Variants in LDB2 observed in about 807,000 individuals in gnomAD.
LDB2 encodes LIM domain binding 2.
In LDB2, 12 loss-of-function variants were observed where a neutral mutation model predicts 44.3. The observed-to-expected ratio is 0.27, with a 90% CI of 0.17 to 0.44. LDB2 has a LOEUF of 0.44. LDB2 is among the 20% of genes least tolerant of loss of function. LDB2 has a pLI of 1.00. For synonymous variants in LDB2, 164 were observed against 174.8 expected (o/e 0.94, Z 0.49); for missense variants, 344 against 473.5 (o/e 0.73, Z 2.54).
Position 16,646,900 on chromosome 4 carries a change from C to G in LDB2, c.236-51025G>C, listed in dbSNP as rs182090572. 3.3e-3 allele frequency among the ~76,000 whole-genome samples: 507 copies of G among 152,264 alleles called. 2 individuals are homozygous for G. The highest frequency in any genetic ancestry group is 7.1e-3 in the Admixed American group (109 of 15,280). ...CCACTTTGGAAAACAGTCTGATGGT[C>G]CCTCAAAATGTTGAACACACACTTA... is the stretch of plus-strand genomic sequence containing the variant. On this transcript the variant is annotated intron_variant, in intron 2 of 7. Coordinates refer to ENST00000304523, the MANE Select transcript of LDB2 (RefSeq NM_001290.5).
intron 2 of LDB2, among the ~76,000 whole-genome samples, chr4:16,709,045 G>A (rs929531130): frequency 1.8e-4 from 28 of 151,986 alleles, no homozygotes; most frequent in African/African-American, 6.8e-4. Context: ...TGAACCATCT[G>A]CTCAGCATCA....
chr4:16,631,610 C>A (rs1578335853), intron 2 of LDB2, among the ~76,000 whole-genome samples: 1 of 152,018 alleles, frequency 6.6e-6, no homozygotes, highest in East Asian at 1.9e-4. Flanking sequence ...GAGATAAAGA[C>A]TTAAAAAACC....
intron 1 of LDB2, among the ~76,000 whole-genome samples, chr4:16,875,316 C>T (rs978874147): frequency 2.6e-5 from 4 of 152,150 alleles, no homozygotes; most frequent in African/African-American, 7.2e-5. Flanking sequence ...TTAAGCTATA[C>T]AAAATTAATT....
chr4:16,687,494 C>T (rs1749549424), intron 2 of LDB2, among the ~76,000 whole-genome samples: 3 of 152,050 alleles, frequency 2.0e-5, no homozygotes, highest in Non-Finnish European at 4.4e-5. Context: ...AAATATCTGT[C>T]GTTTAAGCCA....
chr4:16,879,397 G>T (rs1719393796), intron 1 of LDB2, among the ~76,000 whole-genome samples: 2 of 152,174 alleles, frequency 1.3e-5, no homozygotes, highest in Non-Finnish European at 2.9e-5. Context: ...TTTACTCTGA[G>T]ATTAGGGTAG....
intron 7 of LDB2, chr4:16,505,786 A>G (rs1463766170): frequency 1.4e-6 from 2 of 1,479,914 alleles, no homozygotes; most frequent in Admixed American, 4.6e-5. Context: ...AGGTGCCACC[A>G]GCTCTCACCC....
At chr4:16,531,282 C>A (rs1399613449) in intron 5 of LDB2, among the ~76,000 whole-genome samples, 1 of 152,230 alleles carries the variant, frequency 6.6e-6, no homozygotes, top group African/African-American at 2.4e-5. Flanking sequence ...TTTTCTCAGG[C>A]CACTTTGGGC....
chr4:16,770,550 G>T (rs916846292), intron 1 of LDB2, among the ~76,000 whole-genome samples: 2 of 151,734 alleles, frequency 1.3e-5, no homozygotes, highest in African/African-American at 4.9e-5. Flanking sequence ...CAATGTCAGT[G>T]GGGAAACTGA....
intron 1 of LDB2, among the ~76,000 whole-genome samples, chr4:16,788,073 C>A (rs569887526): frequency 6.6e-6 from 1 of 152,196 alleles, no homozygotes; most frequent in Admixed American, 6.5e-5. Flanking sequence ...TCCTCCCCCC[C>A]CTCTCTGCCA....
intron 2 of LDB2, chr4:16,752,561 G>T: frequency 2.8e-6 from 1 of 350,980 alleles, no homozygotes; most frequent in African/African-American, 2.2e-5. Context: ...ATTTGAAGTG[G>T]CTGTTGTCTC....
At chr4:16,821,746 C>CA (rs562184189) in intron 1 of LDB2, among the ~76,000 whole-genome samples, 2,366 of 61,694 alleles carry the variant, frequency 0.038, 247 homozygotes, top group African/African-American at 0.14. Flanking sequence ...AACATTAAAG[C>CA]AAAAAAAAAA....
At chr4:16,590,431 C>A (rs1301352195) in intron 3 of LDB2, among the ~76,000 whole-genome samples, 1 of 152,156 alleles carries the variant, frequency 6.6e-6, no homozygotes, top group Non-Finnish European at 1.5e-5. Context: ...TTATATCAGC[C>A]TTTTACGAAA....
intron 1 of LDB2, among the ~76,000 whole-genome samples, chr4:16,763,439 T>TACACACACACAC (rs56114847): frequency 0.081 from 11,414 of 141,054 alleles, 535 homozygotes; most frequent in East Asian, 0.16. Flanking sequence ...TGTAAACACG[T>TACACACACACAC]ACACACACAC....
intron 1 of LDB2, among the ~76,000 whole-genome samples, chr4:16,854,504 T>TACATAC (rs140881546): frequency 2.1e-5 from 3 of 145,214 alleles, no homozygotes; most frequent in Non-Finnish European, 3.0e-5. Context: ...TAAATATAAA[T>TACATAC]ACACACACAC....
chr4:16,811,091 C>G (rs1404934338), intron 1 of LDB2, among the ~76,000 whole-genome samples: 1 of 152,214 alleles, frequency 6.6e-6, no homozygotes, highest in African/African-American at 2.4e-5. Context: ...CTTTGACAAT[C>G]TAACGCCGGT....
At chr4:16,616,860 T>C (rs1033367077) in intron 2 of LDB2, among the ~76,000 whole-genome samples, 1 of 152,200 alleles carries the variant, frequency 6.6e-6, no homozygotes, top group African/African-American at 2.4e-5. Flanking sequence ...AGTTCTCCTG[T>C]CTGTTATTAT....
In LDB2 at chr4:16,885,090, C is replaced by T. The variant is rs568615684; in HGVS notation, c.132+13264G>A. On this transcript the variant is annotated intron_variant, in intron 1 of 7. Coordinates refer to ENST00000304523, the MANE Select transcript of LDB2 (RefSeq NM_001290.5). ...CTCATGTAAAAACAGTGATCTGAGG[C>T]GGGAGGATCACTCAAGCTCAGGAGT... is the stretch of plus-strand genomic sequence containing the variant. 8.5e-4 allele frequency among the ~76,000 whole-genome samples: 117 copies of T among 138,406 alleles called. 1 individual carries two copies. Among genetic ancestry groups the T allele is most frequent in the Non-Finnish European group, 1.4e-3 (92 of 65,640 alleles). 90.8% of individuals were successfully genotyped at this position (138,406 alleles called of 152,430 possible). A position where few individuals can be genotyped will look rare whatever the true frequency, so the allele number is the denominator to read the frequency against.
At chr4:16,550,721 C>T (rs183800663) in intron 5 of LDB2, among the ~76,000 whole-genome samples, 13 of 152,184 alleles carry the variant, frequency 8.5e-5, no homozygotes, top group African/African-American at 1.2e-4. Context: ...TTCAGATGCA[C>T]GTGGCATTTT....
Position 16,585,905 on chromosome 4 carries a change from C to T in LDB2, c.615+17G>A, listed in dbSNP as rs768558571. 1 of 1,601,226 alleles carries T rather than the reference C, an allele frequency of 6.2e-7. No individual in the cohort carries two copies. Among genetic ancestry groups the T allele is most frequent in the Non-Finnish European group, 8.6e-7 (1 of 1,168,632 alleles). On this transcript the variant is annotated intron_variant, in intron 5 of 7. Coordinates refer to ENST00000304523, the MANE Select transcript of LDB2 (RefSeq NM_001290.5). ...TTTCAAACTCACCAAAAAATAAAAT[C>T]ATTCGATTGATCTTACCCTGAGGTA...
Sources: gnomAD v4.1 joint callset for allele counts (sites outside exome capture counted in the v4.1 genomes callset) on GRCh38, gnomAD v4.1.1 for gene constraint, MANE v1.5 for transcripts, NCBI Gene and HGNC (gene_info 2026-07-23, HGNC 2026-07-21) for gene names.